The following ARHGEF12 variants were observed in gnomAD, a reference collection of about 807,000 sequenced individuals.
ARHGEF12 encodes KMT2A/ARHGEF12 fusion protein.
Under a neutral mutation model 211.2 loss-of-function variants are expected in ARHGEF12, and 66 were observed. The ratio of observed to expected loss-of-function variants is 0.31; its 90% CI spans 0.26 to 0.38. The LOEUF (loss-of-function observed/expected upper bound fraction) is 0.38, where lower values mean the gene tolerates loss of function less well. Among genes scored for constraint, ARHGEF12 ranks in the 10% least tolerant of loss-of-function variants. ARHGEF12 has a pLI of 1.00. For synonymous variants in ARHGEF12, 592 were observed against 638.4 expected, an observed-to-expected ratio of 0.93 and a Z score of 1.09; for missense variants, 1,429 against 1,869.5, an observed-to-expected ratio of 0.76 and a Z score of 4.34.
intron 1 of ARHGEF12, among the ~76,000 whole-genome samples, chr11:120,343,994 G>A (rs1942617340): frequency 6.6e-6 from 1 of 152,092 alleles, no homozygotes; most frequent in South Asian, 2.1e-4. Flanking sequence ...GCCAGGCGCG[G>A]TGGCTCATGC....
intron 22 of ARHGEF12, among the ~76,000 whole-genome samples, chr11:120,452,071 AG>A (rs1946230339): frequency 6.6e-6 from 1 of 152,226 alleles, no homozygotes; most frequent in African/African-American, 2.4e-5. Flanking sequence ...GGGAAGGTAA[AG>A]GGAGTATTGA....
At chr11:120,418,311 T>G (rs1449513992) in intron 4 of ARHGEF12, among the ~76,000 whole-genome samples, 1 of 152,238 alleles carries the variant, frequency 6.6e-6, no homozygotes, top group African/African-American at 2.4e-5. Context: ...GTTGGAGTCA[T>G]GTAGTGTTTA....
At position 120,337,598 on chromosome 11, in the gene ARHGEF12, A is replaced by T. The variant is rs1458418224; in HGVS notation, c.32+323A>T. The T allele has an allele frequency of 2.4e-5, 24 of 985,238 alleles. No homozygotes were observed. In the Admixed American group the frequency reaches 1.5e-3, roughly 61 times the overall value. The allele number at this position is 985,238 out of a possible 1,614,324, so 61.0% of individuals were successfully genotyped here. ...CAGAGGAGAAGGTCATTTTAGGTGA[A>T]GGTCGGTGCCTGAAGTCGGCTCGGT... On this transcript the variant is annotated intron_variant, in intron 1 of 40. Transcript: ENST00000397843.
intron 1 of ARHGEF12, among the ~76,000 whole-genome samples, chr11:120,374,274 A>T (rs927183334): frequency 1.3e-5 from 2 of 152,184 alleles, no homozygotes; most frequent in Non-Finnish European, 2.9e-5. Context: ...TTTTCATAAA[A>T]AGGAATTGCC....
intron 22 of ARHGEF12, among the ~76,000 whole-genome samples, chr11:120,454,234 C>G (rs1946295455): frequency 6.6e-6 from 1 of 152,178 alleles, no homozygotes; most frequent in East Asian, 1.9e-4. Context: ...ATTACTCACC[C>G]TTGTCAGAGT....
At chr11:120,367,845 A>G (rs926973570) in intron 1 of ARHGEF12, among the ~76,000 whole-genome samples, 1 of 152,038 alleles carries the variant, frequency 6.6e-6, no homozygotes. Context: ...GGTGGCACAC[A>G]CCTGTAGTTC....
At chr11:120,407,271 A>C (rs1944732341) in intron 2 of ARHGEF12, among the ~76,000 whole-genome samples, 2 of 152,236 alleles carry the variant, frequency 1.3e-5, no homozygotes, top group South Asian at 4.1e-4. Flanking sequence ...CTAGAACTAC[A>C]TCAGCAGGCT....
intron 21 of ARHGEF12, chr11:120,451,264 C>T (rs1299879968): frequency 5.3e-5 from 18 of 340,410 alleles, no homozygotes; most frequent in Middle Eastern, 9.0e-4. Flanking sequence ...CTGCAACCTC[C>T]GCCTCCCGGG....
chr11:120,383,788 T>TG (rs1200204154), intron 1 of ARHGEF12, among the ~76,000 whole-genome samples: 1 of 151,982 alleles, frequency 6.6e-6, no homozygotes, highest in Admixed American at 6.6e-5. Flanking sequence ...GCCCAGGAGT[T>TG]GGAGACCCCT....
At chr11:120,377,402 G>A (rs1266745307) in intron 1 of ARHGEF12, among the ~76,000 whole-genome samples, 6 of 151,716 alleles carry the variant, frequency 4.0e-5, no homozygotes, top group East Asian at 1.9e-4. Context: ...GTACAGTGGC[G>A]CAAACACAGT....
chr11:120,456,656 G>A (rs1016343764), intron 22 of ARHGEF12, among the ~76,000 whole-genome samples: 1 of 152,296 alleles, frequency 6.6e-6, no homozygotes, highest in African/African-American at 2.4e-5. Flanking sequence ...CACTGTGTGA[G>A]TCCTTGCTAT....
chr11:120,467,383 T>A (rs952916231), intron 29 of ARHGEF12, 75 bp downstream of exon 29: 1 of 847,496 alleles, frequency 1.2e-6, no homozygotes, highest in Non-Finnish European at 1.9e-6. Flanking sequence ...AAATAATATC[T>A]TACAGCGTCC....
At position 120,486,668 on chromosome 11, in the gene ARHGEF12, G is replaced by C. The variant is rs1374929688; in HGVS notation, c.*1591G>C. 2 of 222,930 alleles carry C rather than the reference G, an allele frequency of 9.0e-6. No homozygotes were observed. The highest frequency in any genetic ancestry group is 5.7e-5 in the Admixed American group (1 of 17,462). The allele number at this position is 222,930 out of a possible 1,614,324, so 13.8% of individuals were successfully genotyped here. A position where few individuals can be genotyped will look rare whatever the true frequency, so the allele number is the denominator to read the frequency against. On this transcript the variant is annotated 3_prime_UTR_variant, in exon 41 of 41. Coordinates refer to ENST00000397843, the MANE Select transcript of ARHGEF12 (RefSeq NM_015313.3). ...CTTTCATTGGTGCCCTCTGAACTCT[G>C]TGGGTTGCTAGGATGTAATTTTAAT...
At chr11:120,399,073 GGGAGGCTGAGGCTTGA>G (rs1944472594) in intron 1 of ARHGEF12, among the ~76,000 whole-genome samples, 1 of 151,750 alleles carries the variant, frequency 6.6e-6, no homozygotes, top group African/African-American at 2.4e-5. Flanking sequence ...CCAGTGCTTT[GGGAGGCTGAGGCTTGA>G]GGATTGCTTG....
At chr11:120,448,550 G>T (rs1287676112) in intron 20 of ARHGEF12, 1 of 553,852 alleles carries the variant, frequency 1.8e-6, no homozygotes, top group African/African-American at 1.9e-5. Flanking sequence ...TAGACAATGT[G>T]AAAAGTGAAA....
At chr11:120,419,974 AG>A (rs1360146250) in intron 4 of ARHGEF12, among the ~76,000 whole-genome samples, 2 of 152,192 alleles carry the variant, frequency 1.3e-5, no homozygotes, top group African/African-American at 4.8e-5. Context: ...CTACCCTGGC[AG>A]GACATTTCTA....
chr11:120,397,483 G>A (rs1944425573), intron 1 of ARHGEF12, among the ~76,000 whole-genome samples: 1 of 152,090 alleles, frequency 6.6e-6, no homozygotes, highest in African/African-American at 2.4e-5. Context: ...TGGGTTACAA[G>A]GATATTTGTT....
rs141835201 is a variant in ARHGEF12, at chr11:120,366,889, G to A, written c.32+29614G>A. ...AAATTAGCTGGGCGTGGTGGCACACGCCTGCAATCCCAGCTACTTGGGAGG... is the reference window on the plus strand; with the variant it reads ...AAATTAGCTGGGCGTGGTGGCACACACCTGCAATCCCAGCTACTTGGGAGG... On this transcript the variant is annotated intron_variant, in intron 1 of 40. Transcript: ENST00000397843. Among the ~76,000 whole-genome samples, 1,233 of 152,238 alleles carry A rather than the reference G, an allele frequency of 8.1e-3. 6 individuals are homozygous for A. Among genetic ancestry groups the A allele is most frequent in the Non-Finnish European group, 0.013 (905 of 68,012 alleles).
At chr11:120,368,757 CG>C (rs1234465896) in intron 1 of ARHGEF12, among the ~76,000 whole-genome samples, 7 of 151,826 alleles carry the variant, frequency 4.6e-5, no homozygotes, top group African/African-American at 1.7e-4. Context: ...CTTTTAGGTT[CG>C]GGGTACATGT....
Sources: gnomAD v4.1 joint callset for allele counts (sites outside exome capture counted in the v4.1 genomes callset) on GRCh38, gnomAD v4.1.1 for gene constraint, MANE v1.5 for transcripts, NCBI Gene and HGNC (gene_info 2026-07-23, HGNC 2026-07-21) for gene names.